SNTG1: variants seen among roughly 807,000 people sequenced by gnomAD.
SNTG1 encodes syntrophin gamma 1, also known as gamma-1-syntrophin.
In SNTG1, 39 loss-of-function variants were observed where a neutral mutation model predicts 74.7. That is an observed-to-expected ratio of 0.52 (90% CI 0.40 to 0.68). The LOEUF is 0.68. Ranked by LOEUF, SNTG1 falls within the 30% of genes least tolerant of loss-of-function variation. The probability of loss-of-function intolerance (pLI) is 0.00; values close to 1 mark genes in which losing one functional copy is unlikely to be tolerated. For missense variants in SNTG1, 685 were observed against 609.5 expected (o/e 1.12, Z -1.30); for synonymous variants, 254 against 217.1 (o/e 1.17, Z -1.49).
At chr8:50,231,713 G>A (rs909099383) in intron 2 of SNTG1, among the ~76,000 whole-genome samples, 11 of 151,226 alleles carry the variant, frequency 7.3e-5, no homozygotes, top group Non-Finnish European at 1.6e-4. Flanking sequence ...CAAAGGCTGG[G>A]GACTGGGGAG....
intron 2 of SNTG1, among the ~76,000 whole-genome samples, chr8:50,393,665 G>T (rs2092691372): frequency 1.3e-5 from 2 of 152,052 alleles, no homozygotes; most frequent in African/African-American, 4.8e-5. Context: ...TTTATACATT[G>T]ATTTTTCTTA....
chr8:50,483,184 T>C (rs1285644594), intron 8 of SNTG1, among the ~76,000 whole-genome samples: 1 of 152,226 alleles, frequency 6.6e-6, no homozygotes, highest in Non-Finnish European at 1.5e-5. Context: ...ACATGCATCT[T>C]GCACAATTTG....
intron 1 of SNTG1, among the ~76,000 whole-genome samples, chr8:50,084,916 G>C (rs1822738416): frequency 1.3e-5 from 2 of 152,140 alleles, no homozygotes; most frequent in African/African-American, 4.8e-5. Flanking sequence ...ACTTGATCTT[G>C]GGCTTTCCAG....
intron 1 of SNTG1, among the ~76,000 whole-genome samples, chr8:50,020,732 A>G (rs892963846): frequency 5.9e-5 from 9 of 152,118 alleles, no homozygotes; most frequent in Admixed American, 5.9e-4. Flanking sequence ...CTGAGAAGCT[A>G]TGATAGGGAG....
At chr8:50,463,651 T>A (rs2093586096) in intron 8 of SNTG1, among the ~76,000 whole-genome samples, 1 of 152,194 alleles carries the variant, frequency 6.6e-6, no homozygotes, top group Non-Finnish European at 1.5e-5. Context: ...GGCTTTGTTA[T>A]TCTATTCCTA....
At chr8:50,696,121 C>G (rs1369103709) in intron 15 of SNTG1, among the ~76,000 whole-genome samples, 2 of 151,834 alleles carry the variant, frequency 1.3e-5, no homozygotes, top group Non-Finnish European at 2.9e-5. Flanking sequence ...ATATCTTCAC[C>G]AAATCTGTTA....
intron 12 of SNTG1, among the ~76,000 whole-genome samples, chr8:50,554,770 G>A (rs1264856792): frequency 6.6e-6 from 1 of 152,134 alleles, no homozygotes; most frequent in African/African-American, 2.4e-5. Flanking sequence ...GATGCTTCTA[G>A]AGTTAAACAC....
intron 9 of SNTG1, among the ~76,000 whole-genome samples, chr8:50,506,031 A>G (rs2094003513): frequency 6.6e-6 from 1 of 152,078 alleles, no homozygotes; most frequent in Non-Finnish European, 1.5e-5. Flanking sequence ...TTTTATACAT[A>G]GTATAAGGTA....
At chr8:50,676,058 T>A (rs550732945) in intron 15 of SNTG1, among the ~76,000 whole-genome samples, 3 of 152,026 alleles carry the variant, frequency 2.0e-5, no homozygotes, top group Non-Finnish European at 4.4e-5. Flanking sequence ...CTGGCTGCCC[T>A]TAGCAGTTTT....
intron 2 of SNTG1, among the ~76,000 whole-genome samples, chr8:50,302,531 C>A (rs1020973451): frequency 6.6e-6 from 1 of 152,098 alleles, no homozygotes; most frequent in Non-Finnish European, 1.5e-5. Flanking sequence ...CCATAAACTC[C>A]AAATGTTCTT....
At chr8:50,182,221 C>T (rs2083231364) in intron 2 of SNTG1, among the ~76,000 whole-genome samples, 5 of 152,088 alleles carry the variant, frequency 3.3e-5, no homozygotes, top group Admixed American at 3.3e-4. Context: ...ATAATAACAC[C>T]AGTCAAGTTT....
chr8:50,663,096 T>C (rs373458712), intron 15 of SNTG1, among the ~76,000 whole-genome samples: 1 of 151,888 alleles, frequency 6.6e-6, no homozygotes, highest in Non-Finnish European at 1.5e-5. Flanking sequence ...ATGGCAGGGG[T>C]TGGAGTCCAG....
At chr8:50,259,477 C>T (rs1279829401) in intron 2 of SNTG1, among the ~76,000 whole-genome samples, 9 of 124,844 alleles carry the variant, frequency 7.2e-5, no homozygotes, top group African/African-American at 1.6e-4. Context: ...CCAGCCTGGG[C>T]GACAGAGAGA....
intron 15 of SNTG1, among the ~76,000 whole-genome samples, chr8:50,695,763 G>A (rs545550663): frequency 6.6e-6 from 1 of 151,544 alleles, no homozygotes; most frequent in Non-Finnish European, 1.5e-5. Context: ...TAGGATAACG[G>A]CCTCCAGTTC....
intron 1 of SNTG1, among the ~76,000 whole-genome samples, chr8:50,164,968 T>A (rs1305565857): frequency 1.3e-5 from 2 of 152,192 alleles, no homozygotes; most frequent in African/African-American, 2.4e-5. Context: ...ATTTTATGTA[T>A]GTCATAAATT....
chr8:50,658,374 T>C (rs184739208), intron 14 of SNTG1, among the ~76,000 whole-genome samples: 14 of 152,234 alleles, frequency 9.2e-5, no homozygotes, highest in African/African-American at 2.9e-4. Context: ...GCACATAATA[T>C]AAATCATTTG....
At chr8:50,209,144 C>T (rs962155301) in intron 2 of SNTG1, among the ~76,000 whole-genome samples, 4 of 152,082 alleles carry the variant, frequency 2.6e-5, no homozygotes, top group African/African-American at 7.2e-5. Context: ...AGTATGAGAT[C>T]GAACTGCAAG....
chr8:50,253,148 C>T (rs1180407425), intron 2 of SNTG1, among the ~76,000 whole-genome samples: 1 of 152,084 alleles, frequency 6.6e-6, no homozygotes, highest in Non-Finnish European at 1.5e-5. Context: ...AAATAGAGGC[C>T]ATGCTCAATG....
At chr8:50,138,701 C>A (rs1295290776) in intron 1 of SNTG1, among the ~76,000 whole-genome samples, 1 of 150,862 alleles carries the variant, frequency 6.6e-6, no homozygotes, top group Non-Finnish European at 1.5e-5. Context: ...CTTCAAAGCA[C>A]TGAAGGACAT....
Sources: allele counts gnomAD v4.1 joint callset (sites outside exome capture counted in the v4.1 genomes callset), GRCh38; gene constraint gnomAD v4.1.1; transcripts MANE v1.5; gene names NCBI Gene and HGNC (gene_info 2026-07-23, HGNC 2026-07-21).